Variants in TENM2 observed in about 807,000 individuals in gnomAD.
The protein encoded by TENM2 is teneurin transmembrane protein 2.
A neutral mutation model predicts 245.2 loss-of-function variants in TENM2; 52 were observed. The observed-to-expected ratio is 0.21, with a 90% CI of 0.17 to 0.27. TENM2 has a LOEUF of 0.27. Among genes scored for constraint, TENM2 ranks in the 10% least tolerant of loss-of-function variants. The probability of loss-of-function intolerance (pLI) is 1.00; values close to 1 mark genes in which losing one functional copy is unlikely to be tolerated. For synonymous variants in TENM2, 1,363 were observed against 1,438.9 expected, an observed-to-expected ratio of 0.95 and a Z score of 1.19; for missense variants, 3,046 against 3,666.8, an observed-to-expected ratio of 0.83 and a Z score of 4.37.
chr5:167,328,696 C>T (rs983404758), intron 1 of TENM2, among the ~76,000 whole-genome samples: 1 of 152,152 alleles, frequency 6.6e-6, no homozygotes, highest in Non-Finnish European at 1.5e-5. Context: ...ATGCTCATTC[C>T]CTAGATAGAC....
intron 2 of TENM2, among the ~76,000 whole-genome samples, chr5:167,857,245 G>C (rs1180753725): frequency 6.6e-6 from 1 of 152,160 alleles, no homozygotes; most frequent in Admixed American, 6.5e-5. Flanking sequence ...CTTTTTCGTA[G>C]CCAAATTCAG....
chr5:167,347,223 GATA>G (rs1166557176), intron 1 of TENM2, among the ~76,000 whole-genome samples: 2 of 151,992 alleles, frequency 1.3e-5, no homozygotes, highest in East Asian at 1.9e-4. Context: ...CTCCAGAACA[GATA>G]ATATCTTGAT....
At chr5:167,645,862 T>A (rs1779894363) in intron 2 of TENM2, among the ~76,000 whole-genome samples, 1 of 151,964 alleles carries the variant, frequency 6.6e-6, no homozygotes. Flanking sequence ...ATGTAATGCA[T>A]ATATTACAAC....
intron 27 of TENM2, among the ~76,000 whole-genome samples, chr5:168,256,029 C>T (rs1767620163): frequency 6.6e-6 from 1 of 151,990 alleles, no homozygotes; most frequent in African/African-American, 2.4e-5. Flanking sequence ...TGGTCTCGAA[C>T]TCCTGACCTC....
chr5:168,209,273 G>A (rs1333664702), intron 19 of TENM2, among the ~76,000 whole-genome samples: 4 of 152,196 alleles, frequency 2.6e-5, no homozygotes, highest in Non-Finnish European at 5.9e-5. Context: ...TTCCTGTGGA[G>A]TGAATAATCT....
chr5:168,030,041 TG>T (rs1268902361), intron 5 of TENM2, among the ~76,000 whole-genome samples: 1 of 151,678 alleles, frequency 6.6e-6, no homozygotes, highest in Non-Finnish European at 1.5e-5. Context: ...TCTCTGATCA[TG>T]GGTCACCTGG....
chr5:168,111,646 G>A (rs775462038), intron 9 of TENM2, among the ~76,000 whole-genome samples: 3 of 152,076 alleles, frequency 2.0e-5, no homozygotes, highest in East Asian at 1.9e-4. Flanking sequence ...GCTTGGGCAC[G>A]GTGAGCCAGG....
At chr5:167,437,172 A>G (rs1022560649) in intron 2 of TENM2, among the ~76,000 whole-genome samples, 5 of 152,120 alleles carry the variant, frequency 3.3e-5, no homozygotes, top group African/African-American at 4.8e-5. Flanking sequence ...GGGGGGCTAT[A>G]CCCTACAAAG....
At chr5:167,975,008 G>C (rs1266840866) in intron 4 of TENM2, among the ~76,000 whole-genome samples, 2 of 152,358 alleles carry the variant, frequency 1.3e-5, no homozygotes, top group East Asian at 3.9e-4. Flanking sequence ...TGTCTGGAAA[G>C]GCAGCCTCCC....
At chr5:168,087,300 G>A (rs1792538280) in intron 7 of TENM2, 1 of 152,188 alleles carries the variant, frequency 6.6e-6, no homozygotes, top group Admixed American at 6.5e-5. Context: ...GGGTGATCCT[G>A]TCCTGTTGTC....
intron 2 of TENM2, among the ~76,000 whole-genome samples, chr5:167,643,165 A>G (rs1779720822): frequency 6.6e-6 from 1 of 152,182 alleles, no homozygotes; most frequent in African/African-American, 2.4e-5. Flanking sequence ...GAATTCAATG[A>G]TTTTTGGTAA....
the TENM2 span, among the ~76,000 whole-genome samples, chr5:167,247,031 G>A: frequency 6.6e-6 from 1 of 152,014 alleles, no homozygotes; most frequent in East Asian, 1.9e-4. Context: ...TAATTTCAGA[G>A]ATGAACTAGT....
intron 4 of TENM2, among the ~76,000 whole-genome samples, chr5:167,984,003 G>T (rs1783043267): frequency 6.6e-6 from 1 of 152,164 alleles, no homozygotes; most frequent in Admixed American, 6.5e-5. Flanking sequence ...CCATTCACTG[G>T]ATGTCAATCT....
chr5:167,914,190 T>C (rs1049158136), intron 3 of TENM2, among the ~76,000 whole-genome samples: 7 of 152,238 alleles, frequency 4.6e-5, no homozygotes. Flanking sequence ...CTATGGCTGC[T>C]ATGGCAAATT....
At chr5:167,883,250 T>C (rs1468728908) in intron 3 of TENM2, among the ~76,000 whole-genome samples, 1 of 152,160 alleles carries the variant, frequency 6.6e-6, no homozygotes, top group Non-Finnish European at 1.5e-5. Context: ...ACCTCAATAA[T>C]TGGGAACAAA....
At chr5:167,637,843 A>G (rs1365688375) in intron 2 of TENM2, among the ~76,000 whole-genome samples, 1 of 152,080 alleles carries the variant, frequency 6.6e-6, no homozygotes, top group Non-Finnish European at 1.5e-5. Flanking sequence ...GGAAAGCATT[A>G]GGACAAATAC....
upstream of TENM2, among the ~76,000 whole-genome samples, chr5:167,282,924 A>G (rs561615766): frequency 6.6e-6 from 1 of 152,274 alleles, no homozygotes; most frequent in African/African-American, 2.4e-5. Flanking sequence ...TCTCAAAGGC[A>G]CTTCTGAACT....
chr5:167,201,967 A>G, the TENM2 span, among the ~76,000 whole-genome samples: 1 of 152,132 alleles, frequency 6.6e-6, no homozygotes, highest in African/African-American at 2.4e-5. Context: ...GGTGTCTTGT[A>G]TAACTTGAAT....
intron 2 of TENM2, among the ~76,000 whole-genome samples, chr5:167,540,311 T>C (rs562655415): frequency 1.3e-3 from 204 of 152,270 alleles, no homozygotes; most frequent in African/African-American, 4.6e-3. Flanking sequence ...GGAATTACCA[T>C]AGGGGATCAA....
Sources: gnomAD v4.1 joint callset for allele counts (sites outside exome capture counted in the v4.1 genomes callset) on GRCh38, gnomAD v4.1.1 for gene constraint, MANE v1.5 for transcripts, NCBI Gene and HGNC (gene_info 2026-07-23, HGNC 2026-07-21) for gene names.